VSIG10: variants seen among roughly 807,000 people sequenced by gnomAD.
VSIG10 encodes V-set and immunoglobulin domain-containing protein 10.
Under a neutral mutation model 58.7 loss-of-function variants are expected in VSIG10, and 48 were observed. The observed-to-expected ratio is 0.82, with a 90% CI of 0.65 to 1.04. The LOEUF (loss-of-function observed/expected upper bound fraction) is 1.04, where lower values mean the gene tolerates loss of function less well. Among genes scored for constraint, VSIG10 ranks in the 50% least tolerant of loss-of-function variants. VSIG10 has a pLI of 0.00. For synonymous variants in VSIG10, 260 were observed against 267.1 expected (o/e 0.97, Z 0.26); for missense variants, 628 against 670.0 (o/e 0.94, Z 0.69).
At chr12:118,075,592 A>C (rs934578598) in intron 4 of VSIG10, among the ~76,000 whole-genome samples, 1 of 151,912 alleles carries the variant, frequency 6.6e-6, no homozygotes, top group African/African-American at 2.4e-5. Context: ...CTGACCTCAA[A>C]TGATCCTCCA....
At position 118,079,358 on chromosome 12, in the gene VSIG10, T is replaced by C. The variant is rs201347492; in HGVS notation, c.913A>G (p.Met305Val). 2 of 1,613,946 alleles carry C rather than the reference T, an allele frequency of 1.2e-6. No homozygotes were observed. The highest frequency in any genetic ancestry group is 1.7e-6 in the Non-Finnish European group (2 of 1,179,870). The change falls in exon 4 of 9, where the codon ATG becomes GTG. Residue 305 changes from methionine to valine, a missense_variant. Transcript: ENST00000359236. ...AAAACAGACTCACTGATCTGCACCA[T>C]GCAGCTGGCGCCCGACTCTGGCCCA... The part of the protein sequence containing the change: ...IVGPESGASC[M>V]VQIRGPSLLS...
chr12:118,079,273 C>T, intron 4 of VSIG10, 73 bp downstream of exon 4: 1 of 1,557,012 alleles, frequency 6.4e-7, no homozygotes, highest in Non-Finnish European at 8.7e-7. Flanking sequence ...CTCAGAAGAA[C>T]TCTCAAATGC....
chr12:118,085,538 T>TA (rs1476849400), intron 2 of VSIG10, among the ~76,000 whole-genome samples: 1 of 152,154 alleles, frequency 6.6e-6, no homozygotes, highest in East Asian at 1.9e-4. Context: ...CAAATGCATA[T>TA]ATAAGAGACA....
chr12:118,074,026 TA>T, intron 4 of VSIG10, 34 bp from the exon 5 acceptor site: 8 of 1,516,252 alleles, frequency 5.3e-6, no homozygotes, highest in Non-Finnish European at 7.1e-6. Context: ...GACAAATGTT[TA>T]AAGAGATTCA....
intron 1 of VSIG10, among the ~76,000 whole-genome samples, chr12:118,101,419 G>A (rs1052269983): frequency 1.3e-5 from 2 of 152,132 alleles, no homozygotes; most frequent in Admixed American, 6.6e-5. Flanking sequence ...CTCAGGTCAC[G>A]TTACTCTGGT....
In VSIG10 at chr12:118,082,428, G is replaced by A. The variant is rs758948282; in HGVS notation, c.363C>T (p.Ser121=). The A allele has an allele frequency of 2.9e-5, 46 of 1,606,180 alleles. No homozygotes were observed. The highest frequency in any genetic ancestry group is 1.3e-4 in the Admixed American group (8 of 59,744). Residue 121 remains serine, a splice_region_variant and synonymous_variant, in exon 3 of 9, where the codon AGC becomes AGT. Coordinates refer to ENST00000359236, the MANE Select transcript of VSIG10 (RefSeq NM_019086.6). ...QWFQVWLQVA[S]GPYQIEVHIV... is the part of the protein sequence containing the mutation. ...TGTGGACCTCAATCTGATAGGGGCC[G>A]CCTGGGGATGACAGGGGGAATAGGA...
Position 118,063,998 on chromosome 12 carries a change from T to C in VSIG10, c.*2641A>G, listed in dbSNP as rs1228851227. The C allele has an allele frequency of 2.0e-5, 3 of 152,178 alleles. No homozygotes were observed. Among genetic ancestry groups the C allele is most frequent in the Admixed American group, 2.0e-4 (3 of 15,274 alleles). 9.4% of individuals were successfully genotyped at this position (152,178 alleles called of 1,614,324 possible). On this transcript the variant is annotated 3_prime_UTR_variant, in exon 9 of 9. Coordinates refer to ENST00000359236, the MANE Select transcript of VSIG10 (RefSeq NM_019086.6). ...AAAGTCAGTTGCAATGGACCTGAAG[T>C]GTGTATCTTCCTGGTCCTGATAAAT...
rs146558003 is a variant in VSIG10, at chr12:118,085,324, C to T, written c.362-2895G>A. ...CACTGGCTAGAGAGGAGGTCCCCAT[C>T]CCCCAAACCCAACTGAATCCTAAGC... On this transcript the variant is annotated intron_variant, in intron 2 of 8. Transcript: ENST00000359236. 4.4e-3 allele frequency among the ~76,000 whole-genome samples: 669 copies of T among 152,256 alleles called. 1 individual carries two copies. The highest frequency in any genetic ancestry group is 6.8e-3 in the Middle Eastern group (2 of 294).
chr12:118,094,194 GA>G (rs2033379837), intron 2 of VSIG10, among the ~76,000 whole-genome samples: 1 of 150,628 alleles, frequency 6.6e-6, no homozygotes. Context: ...CTGCAGCCTG[GA>G]GCTCCTGGAC....
Position 118,094,588 on chromosome 12 carries a change from T to G in VSIG10, c.361+945A>C, listed in dbSNP as rs187513601. On this transcript the variant is annotated intron_variant, in intron 2 of 8. Coordinates refer to ENST00000359236, the MANE Select transcript of VSIG10 (RefSeq NM_019086.6). The stretch of plus-strand genomic sequence containing the variant: ...TAGTAGAGATGGGGTTTCACCATGT[T>G]GGCCAGGCTGGTCTTGAACTCCTGA... Among the ~76,000 whole-genome samples the G allele has an allele frequency of 2.8e-3, 419 of 152,104 alleles. 2 individuals are homozygous for G. Among genetic ancestry groups the G allele is most frequent in the Middle Eastern group, 6.8e-3 (2 of 294 alleles).
chr12:118,079,987 C>T lies in VSIG10; in HGVS notation c.665-381G>A, dbSNP rs142567117. 1.6e-4 allele frequency among the ~76,000 whole-genome samples: 25 copies of T among 152,288 alleles called. 1 individual carries two copies. Among genetic ancestry groups the T allele is most frequent in the African/African-American group, 4.6e-4 (19 of 41,576 alleles). ...TAGCTGGGATTACAGGCATGCGCCA[C>T]CACGCCCTGCTTATTTTTATATTTT... On this transcript the variant is annotated intron_variant, in intron 3 of 8. Transcript: ENST00000359236.
chr12:118,090,150 C>T (rs1437210408), intron 2 of VSIG10, among the ~76,000 whole-genome samples: 2 of 152,032 alleles, frequency 1.3e-5, no homozygotes, highest in Non-Finnish European at 1.5e-5. Context: ...CCCCTTTCTA[C>T]GAAAAATACA....
intron 1 of VSIG10, among the ~76,000 whole-genome samples, chr12:118,100,011 G>A (rs1246628143): frequency 6.6e-6 from 1 of 152,200 alleles, no homozygotes. Context: ...GCTGAAAGGT[G>A]GAGAATGCCA....
At chr12:118,100,135 C>T (rs751858198) in intron 1 of VSIG10, among the ~76,000 whole-genome samples, 6 of 152,088 alleles carry the variant, frequency 3.9e-5, no homozygotes, top group Non-Finnish European at 5.9e-5. Flanking sequence ...TTTGGGAGGC[C>T]GAGGCAGGTG....
chr12:118,065,613 C>G lies in VSIG10; in HGVS notation c.*1026G>C, dbSNP rs2032219800. 6.6e-6 allele frequency: 1 copy of G among 152,084 alleles called. No homozygotes were observed. The highest frequency in any genetic ancestry group is 6.6e-5 in the Admixed American group (1 of 15,262). 9.4% of individuals were successfully genotyped at this position (152,084 alleles called of 1,614,324 possible). On this transcript the variant is annotated 3_prime_UTR_variant, in exon 9 of 9. Transcript: ENST00000359236. ...CTTAGAAATGGAGAAAGGAAGTTCC[C>G]CTTTAAGCCCTAGGTCCTGCCCACT... is the stretch of plus-strand genomic sequence containing the variant.
chr12:118,082,435 G>A lies in VSIG10; in HGVS notation c.362-6C>T, dbSNP rs6490164. The stretch of plus-strand genomic sequence containing the variant: ...CTCAATCTGATAGGGGCCGCCTGGG[G>A]ATGACAGGGGGAATAGGATGGCATT... On this transcript the variant is annotated splice_region_variant and splice_polypyrimidine_tract_variant and intron_variant, in intron 2 of 8. Coordinates refer to ENST00000359236, the MANE Select transcript of VSIG10 (RefSeq NM_019086.6). 943,694 of 1,602,114 alleles carry A rather than the reference G, an allele frequency of 0.59. 284,843 individuals are homozygous for A. The highest frequency in any genetic ancestry group is 0.91 in the African/African-American group (68,228 of 74,658).
chr12:118,082,540 A>G, intron 2 of VSIG10, 111 bp from the exon 3 acceptor site: 4 of 1,084,572 alleles, frequency 3.7e-6, no homozygotes, highest in Non-Finnish European at 5.2e-6. Context: ...AGAGTATGGT[A>G]TCTATCTAAT....
intron 1 of VSIG10, chr12:118,101,990 T>C (rs925971997): frequency 3.9e-5 from 6 of 152,150 alleles, no homozygotes; most frequent in African/African-American, 1.4e-4. Context: ...ATTTTAGAAA[T>C]TAGCTAGGCG....
At chr12:118,099,559 C>T (rs1226790203) in intron 1 of VSIG10, among the ~76,000 whole-genome samples, 1 of 152,182 alleles carries the variant, frequency 6.6e-6, no homozygotes, top group Non-Finnish European at 1.5e-5. Context: ...GTCCAGCCCC[C>T]TCCACAATCA....
Sources: allele counts gnomAD v4.1 joint callset (sites outside exome capture counted in the v4.1 genomes callset), GRCh38; gene constraint gnomAD v4.1.1; transcripts MANE v1.5; gene names NCBI Gene and HGNC (gene_info 2026-07-23, HGNC 2026-07-21).